Variants in RFTN1 observed in about 807,000 individuals in gnomAD.
The protein encoded by RFTN1 is raftlin, lipid raft linker 1.
Under a neutral mutation model 46.5 loss-of-function variants are expected in RFTN1, and 26 were observed. The ratio of observed to expected loss-of-function variants is 0.56; its 90% confidence interval spans 0.41 to 0.78. The LOEUF is 0.78. RFTN1 is among the 30% of genes least tolerant of loss of function. The probability of loss-of-function intolerance (pLI) is 0.00; values close to 1 mark genes in which losing one functional copy is unlikely to be tolerated. For synonymous variants in RFTN1, 261 were observed against 284.2 expected (o/e 0.92, Z 0.82); for missense variants, 693 against 718.7 (o/e 0.96, Z 0.41).
At chr3:16,323,937 T>C (rs1559809719) in intron 8 of RFTN1, among the ~76,000 whole-genome samples, 1 of 152,178 alleles carries the variant, frequency 6.6e-6, no homozygotes, top group Admixed American at 6.5e-5. Flanking sequence ...CACCAAAGAC[T>C]GCACAGCACC....
At chr3:16,467,684 T>C (rs1048153091) in intron 2 of RFTN1, among the ~76,000 whole-genome samples, 2 of 152,092 alleles carry the variant, frequency 1.3e-5, no homozygotes, top group African/African-American at 4.8e-5. Context: ...AAACCAGAGA[T>C]GCAAAAAGCC....
chr3:16,400,972 C>T lies in RFTN1; in HGVS notation c.441+8403G>A, dbSNP rs1024166021. On this transcript the variant is annotated intron_variant, in intron 4 of 9. Transcript: ENST00000334133. The surrounding 1 kb of genome is among the most constrained non-coding windows in gnomAD (Gnocchi z 4.5). ...ACCTCGCCCTGCCTGGAACCTGCCTCCATCTTTTATCACCTCTTCTCTCCC... is the reference window on the plus strand; with the variant it reads ...ACCTCGCCCTGCCTGGAACCTGCCTTCATCTTTTATCACCTCTTCTCTCCC... 2.0e-5 allele frequency among the ~76,000 whole-genome samples: 3 copies of T among 152,040 alleles called. No individual in the cohort carries two copies. Among genetic ancestry groups the T allele is most frequent in the Non-Finnish European group, 2.9e-5 (2 of 67,992 alleles).
At chr3:16,477,649 G>GA (rs1355947288) in intron 2 of RFTN1, among the ~76,000 whole-genome samples, 2 of 152,162 alleles carry the variant, frequency 1.3e-5, no homozygotes, top group Non-Finnish European at 2.9e-5. Flanking sequence ...TGGCACCCAG[G>GA]AAAAAACAAT....
chr3:16,398,195 C>T lies in RFTN1; in HGVS notation c.441+11180G>A, dbSNP rs191971697. Among the ~76,000 whole-genome samples the T allele has an allele frequency of 2.5e-4, 36 of 143,250 alleles. No homozygotes were observed. In the East Asian group the frequency reaches 3.9e-3, roughly 16 times the overall value. The allele number at this position is 143,250 out of a possible 152,430, so 94.0% of individuals were successfully genotyped here. Reference sequence around the variant, plus strand: ...CCGGGAGGTGGAGGTTGCAGTAAGCCGAGATCGCACCACTGCACTCCAGCC... The same window carrying T: ...CCGGGAGGTGGAGGTTGCAGTAAGCTGAGATCGCACCACTGCACTCCAGCC... On this transcript the variant is annotated intron_variant, in intron 4 of 9. Transcript: ENST00000334133.
intron 2 of RFTN1, among the ~76,000 whole-genome samples, chr3:16,456,767 A>G (rs767936106): frequency 6.6e-6 from 1 of 152,188 alleles, no homozygotes; most frequent in Non-Finnish European, 1.5e-5. Flanking sequence ...GGAAAACTCC[A>G]TTGCACGCTT....
At chr3:16,432,674 A>G (rs1239224453) in intron 3 of RFTN1, among the ~76,000 whole-genome samples, 1 of 151,784 alleles carries the variant, frequency 6.6e-6, no homozygotes, top group Non-Finnish European at 1.5e-5. Flanking sequence ...TTGTTTCTAC[A>G]GAAAAAAAAA....
chr3:16,485,172 C>CTT (rs917582006), intron 2 of RFTN1, among the ~76,000 whole-genome samples: 1 of 149,532 alleles, frequency 6.7e-6, no homozygotes, highest in South Asian at 2.1e-4. Flanking sequence ...GGATATTCAG[C>CTT]TTTTTTTTTT....
At chr3:16,439,618 A>G (rs1202398898) in intron 2 of RFTN1, among the ~76,000 whole-genome samples, 1 of 152,232 alleles carries the variant, frequency 6.6e-6, no homozygotes, top group Non-Finnish European at 1.5e-5. Context: ...AATGTTAACT[A>G]AAAGAGTTCC....
In RFTN1 at chr3:16,450,097, T is replaced by A. The variant is rs369297869; in HGVS notation, c.146-16060A>T. ...ACTCTCCATGCCTGTCTTAAATCCA[T>A]CCCAATTTGTAAAATTAAATGTGCA... On this transcript the variant is annotated intron_variant, in intron 2 of 9. Transcript: ENST00000334133. This position sits in a 1 kb window ranked among gnomAD's most constrained non-coding sequence, Gnocchi z 4.6. 5.9e-5 allele frequency among the ~76,000 whole-genome samples: 9 copies of A among 152,138 alleles called. No homozygotes were observed. The highest frequency in any genetic ancestry group is 2.2e-4 in the African/African-American group (9 of 41,414).
Position 16,385,194 on chromosome 3 carries a change from T to C in RFTN1, c.442-7092A>G, listed in dbSNP as rs1003920513. ...TGCAGTTACACATGAGTCTTTACAG[T>C]GAATATTTTATCAGACACACACAAC... is the stretch of plus-strand genomic sequence containing the variant. On this transcript the variant is annotated intron_variant, in intron 4 of 9. Coordinates refer to ENST00000334133, the MANE Select transcript of RFTN1 (RefSeq NM_015150.2). The surrounding 1 kb of genome is among the most constrained non-coding windows in gnomAD (Gnocchi z 5.0). Among the ~76,000 whole-genome samples, 1 of 152,132 alleles carries C rather than the reference T, an allele frequency of 6.6e-6. No individual in the cohort carries two copies. Among genetic ancestry groups the C allele is most frequent in the African/African-American group, 2.4e-5 (1 of 41,410 alleles).
At chr3:16,488,946 T>C (rs751319734) in intron 2 of RFTN1, among the ~76,000 whole-genome samples, 1 of 152,150 alleles carries the variant, frequency 6.6e-6, no homozygotes, top group Non-Finnish European at 1.5e-5. Flanking sequence ...AACCAGTGAA[T>C]GGAAAAACAA....
intron 4 of RFTN1, 24 bp from the exon 5 acceptor site, chr3:16,378,126 G>A (rs200513780): frequency 1.3e-6 from 2 of 1,590,158 alleles, no homozygotes; most frequent in East Asian, 2.2e-5. Flanking sequence ...AAAAGGAAGG[G>A]AAACAAGTGA....
chr3:16,504,198 C>T lies in RFTN1; in HGVS notation c.-9+9244G>A, dbSNP rs2076762680. On this transcript the variant is annotated intron_variant, in intron 1 of 9. Transcript: ENST00000334133. This position sits in a 1 kb window ranked among gnomAD's most constrained non-coding sequence, Gnocchi z 4.4. ...CAAACAACTTAATACTTATTCACAG[C>T]CTAACAACAGCAGCCTTTCAGAAAA... Among the ~76,000 whole-genome samples the T allele has an allele frequency of 6.6e-6, 1 of 152,156 alleles. No individual in the cohort carries two copies. Among genetic ancestry groups the T allele is most frequent in the Admixed American group, 6.5e-5 (1 of 15,290 alleles).
chr3:16,349,559 A>C (rs888518640), intron 7 of RFTN1: 5 of 152,276 alleles, frequency 3.3e-5, no homozygotes, highest in Non-Finnish European at 5.9e-5. Context: ...ACGTATACAC[A>C]TACGCCATTT....
rs1172582800 is a variant in RFTN1, at chr3:16,338,479, T to C, written c.1147-11603A>G. ...CACGTATGCAATAGCACAGGGCTCCTGTCCTCTAGAAGCTGACATCTTAAA... is the reference window on the plus strand; with the variant it reads ...CACGTATGCAATAGCACAGGGCTCCCGTCCTCTAGAAGCTGACATCTTAAA... On this transcript the variant is annotated intron_variant, in intron 7 of 9. Coordinates refer to ENST00000334133, the MANE Select transcript of RFTN1 (RefSeq NM_015150.2). This position sits in a 1 kb window ranked among gnomAD's most constrained non-coding sequence, Gnocchi z 5.3. 2.0e-5 allele frequency among the ~76,000 whole-genome samples: 3 copies of C among 152,270 alleles called. No homozygotes were observed. The highest frequency in any genetic ancestry group is 7.2e-5 in the African/African-American group (3 of 41,478).
Position 16,413,367 on chromosome 3 carries a change from G to A in RFTN1, c.333-3884C>T, listed in dbSNP as rs139892838. On this transcript the variant is annotated intron_variant, in intron 3 of 9. Transcript: ENST00000334133. The surrounding 1 kb of genome is among the most constrained non-coding windows in gnomAD (Gnocchi z 4.7). Reference sequence around the variant, plus strand: ...TTGTCCAAGATACCACAGGACAAAGGAATAAATATTCCGCTATCAATCTAG... The same window carrying A: ...TTGTCCAAGATACCACAGGACAAAGAAATAAATATTCCGCTATCAATCTAG... Among the ~76,000 whole-genome samples, 308 of 152,356 alleles carry A rather than the reference G, an allele frequency of 2.0e-3. No individual in the cohort carries two copies. The highest frequency in any genetic ancestry group is 3.8e-3 in the Non-Finnish European group (257 of 68,044).
At chr3:16,368,657 C>G (rs1436921324) in intron 6 of RFTN1, among the ~76,000 whole-genome samples, 3 of 142,316 alleles carry the variant, frequency 2.1e-5, no homozygotes, top group Non-Finnish European at 4.6e-5. Context: ...CCAGCCTGGG[C>G]GACAGAGCGA....
At chr3:16,441,068 A>AT (rs1158368073) in intron 2 of RFTN1, among the ~76,000 whole-genome samples, 3 of 152,182 alleles carry the variant, frequency 2.0e-5, no homozygotes, top group Non-Finnish European at 4.4e-5. Flanking sequence ...TGGCACTGAG[A>AT]TGAACAAAAA....
chr3:16,414,530 G>T (rs1191470233), intron 3 of RFTN1, among the ~76,000 whole-genome samples: 2 of 151,678 alleles, frequency 1.3e-5, no homozygotes, highest in Non-Finnish European at 2.9e-5. Context: ...TTTAAACCTG[G>T]GAGGCGGAGG....
Sources: gnomAD v4.1 joint callset for allele counts (sites outside exome capture counted in the v4.1 genomes callset) on GRCh38, gnomAD v4.1.1 for gene constraint, Gnocchi (gnomAD v3.1) non-coding constraint, MANE v1.5 for transcripts, NCBI Gene and HGNC (gene_info 2026-07-23, HGNC 2026-07-21) for gene names.